Variants in CTF1 observed in about 807,000 individuals in gnomAD.
The protein encoded by CTF1 is cardiotrophin 1.
Under a neutral mutation model 10.9 loss-of-function variants are expected in CTF1, and 9 were observed. The ratio of observed to expected loss-of-function variants is 0.83; its 90% CI spans 0.50 to 1.44. CTF1 has a LOEUF of 1.44. Ranked by LOEUF, CTF1 falls within the 40% of genes most tolerant of loss-of-function variation. The pLI, the probability that CTF1 is intolerant of heterozygous loss-of-function variation, is 0.00. For synonymous variants in CTF1, 133 were observed against 138.8 expected, an observed-to-expected ratio of 0.96 and a Z score of 0.29; for missense variants, 259 against 275.3, an observed-to-expected ratio of 0.94 and a Z score of 0.42.
At position 30,902,253 on chromosome 16, in the gene CTF1, G is replaced by A. The variant is rs1262266253; in HGVS notation, c.320G>A (p.Arg107His). ...LPPLLDAVCR[R>H]QAELNPRAPR... The stretch of plus-strand genomic sequence containing the variant: ...CCGCTGCTGGACGCAGTGTGTCGCC[G>A]CCAGGCCGAGCTGAACCCGCGCGCG... The change falls in exon 3 of 3, where the codon CGC becomes CAC. Residue 107 changes from arginine to histidine, a missense_variant. Arg to His is a conservative substitution (Grantham distance 29). Coordinates refer to ENST00000279804, the MANE Select transcript of CTF1 (RefSeq NM_001330.5). The A allele has an allele frequency of 1.8e-6, 2 of 1,100,214 alleles. No individual in the cohort carries two copies. The highest frequency in any genetic ancestry group is 5.0e-5 in the Admixed American group (1 of 19,882). The allele number at this position is 1,100,214 out of a possible 1,614,324, so 68.2% of individuals were successfully genotyped here.
At position 30,899,444 on chromosome 16, in the gene CTF1, C is replaced by A. The variant is rs544073469; in HGVS notation, c.55C>A (p.Leu19Ile). 79 of 1,613,670 alleles carry A rather than the reference C, an allele frequency of 4.9e-5. 1 individual carries two copies. In the East Asian group the frequency reaches 1.2e-3, roughly 25 times the overall value. ...CCCCCAGACTGATTCCTCAGTCTCA[C>A]TTCTTCCCCACTTGGAGGCCAAGAT... ...EDPQTDSSVS[L>I]LPHLEAKIRQ... The change falls in exon 2 of 3, where the codon CTT becomes ATT. Residue 19 changes from leucine (L) to isoleucine (I), a missense_variant. By Grantham distance (5) the Leu-to-Ile change is conservative. Transcript: ENST00000279804.
rs1003166295 is a variant in CTF1, at chr16:30,902,470, C to T, written c.537C>T (p.Gly179=). 8 of 1,476,578 alleles carry T rather than the reference C, an allele frequency of 5.4e-6. No homozygotes were observed. The highest frequency in any genetic ancestry group is 1.5e-5 in the African/African-American group (1 of 68,402). 91.5% of individuals were successfully genotyped at this position (1,476,578 alleles called of 1,614,324 possible). The change falls in exon 3 of 3, where the codon GGC becomes GGT. Residue 179 remains glycine, a synonymous_variant. Coordinates refer to ENST00000279804, the MANE Select transcript of CTF1 (RefSeq NM_001330.5). ...AGGTGCTGGGGCTCCGCGTTTGCGGCCTCTACCGCGAGTGGCTGAGCCGCA... is the reference window on the plus strand; with the variant it reads ...AGGTGCTGGGGCTCCGCGTTTGCGGTCTCTACCGCGAGTGGCTGAGCCGCA... ...PAKVLGLRVC[G]LYREWLSRTE...
chr16:30,897,011 G>A (rs557402023), intron 1 of CTF1, among the ~76,000 whole-genome samples: 79 of 152,220 alleles, frequency 5.2e-4, no homozygotes, highest in Admixed American at 5.9e-4. Context: ...GGGGCTGAAG[G>A]AAGGGGTAGA....
upstream of CTF1, chr16:30,896,601 G>C (rs377457024): frequency 1.2e-4 from 148 of 1,253,572 alleles, no homozygotes; most frequent in Admixed American, 4.2e-4. Context: ...CTCCCCCCTC[G>C]AAAGGGGGGC....
intron 2 of CTF1, among the ~76,000 whole-genome samples, chr16:30,900,086 G>A (rs180740876): frequency 2.4e-4 from 36 of 152,238 alleles, no homozygotes; most frequent in Non-Finnish European, 4.0e-4. Context: ...TAGGCTCTGC[G>A]TGACCTTGAC....
At position 30,902,748 on chromosome 16, in the gene CTF1, C is replaced by T. The variant is rs561888209; in HGVS notation, c.*209C>T. The T allele has an allele frequency of 2.9e-5, 19 of 648,898 alleles. No homozygotes were observed. In the Admixed American group the frequency reaches 4.5e-4, roughly 15 times the overall value. The allele number at this position is 648,898 out of a possible 1,614,324, so 40.2% of individuals were successfully genotyped here. A position where few individuals can be genotyped will look rare whatever the true frequency, so the allele number is the denominator to read the frequency against. ...GGGGTGCAGTGGCGCGATCCCAGCA[C>T]TGCAGCCTCAACCTCCTGGGCTCAA... On this transcript the variant is annotated 3_prime_UTR_variant, in exon 3 of 3. Coordinates refer to ENST00000279804, the MANE Select transcript of CTF1 (RefSeq NM_001330.5).
At chr16:30,895,953 G>A (rs551291237), upstream of CTF1, among the ~76,000 whole-genome samples, 3 of 151,906 alleles carry the variant, frequency 2.0e-5, no homozygotes, top group East Asian at 5.8e-4. Context: ...CAGAAACCAA[G>A]TATGGATCAT....
At chr16:30,899,656 G>C in intron 2 of CTF1, 123 bp downstream of exon 2, 3 of 658,938 alleles carry the variant, frequency 4.6e-6, no homozygotes, top group South Asian at 3.9e-5. Context: ...GCTCCTGAGA[G>C]GGACAGCAAC....
intron 2 of CTF1, 127 bp from the exon 3 acceptor site, chr16:30,901,951 G>A (rs957982070): frequency 1.7e-4 from 146 of 871,790 alleles, no homozygotes; most frequent in Non-Finnish European, 2.1e-4. Flanking sequence ...GAGCAGCTCT[G>A]TTAGGAGGGA....
intron 2 of CTF1, among the ~76,000 whole-genome samples, chr16:30,900,049 G>C (rs558939771): frequency 7.9e-5 from 12 of 152,298 alleles, no homozygotes; most frequent in African/African-American, 2.4e-4. Flanking sequence ...AGAGAACTCT[G>C]ATCTGTATCT....
chr16:30,899,569 G>A (rs764363999), intron 2 of CTF1, 36 bp downstream of exon 2: 1 of 1,064,510 alleles, frequency 9.4e-7, no homozygotes, highest in African/African-American at 1.6e-5. Context: ...CCGGGGGCCT[G>A]GGGAATGGGA....
At chr16:30,899,570 G>A in intron 2 of CTF1, 37 bp downstream of exon 2, 1 of 1,064,004 alleles carries the variant, frequency 9.4e-7, no homozygotes. Flanking sequence ...CGGGGGCCTG[G>A]GGAATGGGAG....
At chr16:30,898,828 T>A (rs903293412) in intron 1 of CTF1, among the ~76,000 whole-genome samples, 2 of 152,054 alleles carry the variant, frequency 1.3e-5, no homozygotes, top group Non-Finnish European at 2.9e-5. Context: ...CTGGCTTATA[T>A]TTGTATTTTT....
Position 30,902,496 on chromosome 16 carries a change from C to A in CTF1, c.563C>A (p.Thr188Asn). ...CTCTACCGCGAGTGGCTGAGCCGCA[C>A]CGAGGGCGACCTGGGCCAGCTGCTG... Reference protein sequence around the residue: ...CGLYREWLSRTEGDLGQLLPG... With the variant: ...CGLYREWLSRNEGDLGQLLPG... Residue 188 changes from threonine (T) to asparagine (N), a missense_variant, in exon 3 of 3, where the codon ACC becomes AAC. By Grantham distance (65) the Thr-to-Asn change is moderately conservative. Coordinates refer to ENST00000279804, the MANE Select transcript of CTF1 (RefSeq NM_001330.5). The A allele has an allele frequency of 6.7e-7, 1 of 1,489,542 alleles. No individual in the cohort carries two copies. Among genetic ancestry groups the A allele is most frequent in the Non-Finnish European group, 8.9e-7 (1 of 1,124,134 alleles). The allele number at this position is 1,489,542 out of a possible 1,614,324, so 92.3% of individuals were successfully genotyped here.
chr16:30,902,506 C>G lies in CTF1; in HGVS notation c.573C>G (p.Asp191Glu), dbSNP rs549844379. ...YREWLSRTEG[D>E]LGQLLPGGSA is the part of the protein sequence containing the mutation. ...AGTGGCTGAGCCGCACCGAGGGCGA[C>G]CTGGGCCAGCTGCTGCCCGGGGGCT... Residue 191 changes from aspartate to glutamate, a missense_variant, in exon 3 of 3, where the codon GAC becomes GAG. Asp to Glu is a conservative substitution (Grantham distance 45, BLOSUM62 2). Transcript: ENST00000279804. 6.7e-7 allele frequency: 1 copy of G among 1,492,784 alleles called. No homozygotes were observed. The highest frequency in any genetic ancestry group is 1.4e-5 in the African/African-American group (1 of 69,202). The allele number at this position is 1,492,784 out of a possible 1,614,324, so 92.5% of individuals were successfully genotyped here.
intron 2 of CTF1, among the ~76,000 whole-genome samples, chr16:30,900,704 G>A (rs1223853602): frequency 6.6e-6 from 1 of 152,192 alleles, no homozygotes; most frequent in African/African-American, 2.4e-5. Flanking sequence ...GGCTGAGTGT[G>A]GAGGATTGCT....
intron 1 of CTF1, among the ~76,000 whole-genome samples, 185 bp downstream of exon 1, chr16:30,896,853 G>C (rs1294676576): frequency 6.6e-6 from 1 of 152,196 alleles, no homozygotes; most frequent in Non-Finnish European, 1.5e-5. Context: ...GCAGGCGCTA[G>C]GGTTTAGAGG....
Position 30,902,680 on chromosome 16 carries a change from G to T in CTF1, c.*141G>T. The T allele has an allele frequency of 8.0e-7, 1 of 1,249,522 alleles. No homozygotes were observed. Among genetic ancestry groups the T allele is most frequent in the African/African-American group, 1.6e-5 (1 of 62,960 alleles). The allele number at this position is 1,249,522 out of a possible 1,614,324, so 77.4% of individuals were successfully genotyped here. ...GCCTCGGCCTTCTTTGCTTTTTGTG[G>T]GGGAGAGGGGAGGGGACGGGCAGGG... On this transcript the variant is annotated 3_prime_UTR_variant, in exon 3 of 3. Coordinates refer to ENST00000279804, the MANE Select transcript of CTF1 (RefSeq NM_001330.5).
intron 1 of CTF1, among the ~76,000 whole-genome samples, chr16:30,898,006 C>T (rs2055368667): frequency 6.8e-6 from 1 of 146,486 alleles, no homozygotes; most frequent in African/African-American, 2.4e-5. Flanking sequence ...AGGCGTGTGC[C>T]ACCAAGTCCA....
Sources: allele counts gnomAD v4.1 joint callset (sites outside exome capture counted in the v4.1 genomes callset), GRCh38; gene constraint gnomAD v4.1.1; transcripts MANE v1.5; gene names NCBI Gene and HGNC (gene_info 2026-07-23, HGNC 2026-07-21).